Variants in MCC observed in about 807,000 individuals in gnomAD.
MCC encodes colorectal mutant cancer protein.
MCC carries 90 observed loss-of-function variants against 116.2 expected under a neutral mutation model. The observed-to-expected ratio is 0.77, with a 90% confidence interval of 0.65 to 0.92. MCC has a LOEUF of 0.92. Ranked by LOEUF, MCC falls within the 40% of genes least tolerant of loss-of-function variation. MCC has a pLI of 0.00. For synonymous variants in MCC, 578 were observed against 510.5 expected (o/e 1.13, Z -1.78); for missense variants, 1,516 against 1,312.2 (o/e 1.16, Z -2.40).
chr5:113,364,184 T>C (rs1260039826), intron 2 of MCC, among the ~76,000 whole-genome samples: 4 of 144,068 alleles, frequency 2.8e-5, no homozygotes, highest in Non-Finnish European at 6.0e-5. Context: ...TGAGCTGAGA[T>C]TGCGTCACTG....
At chr5:113,487,904 G>C (rs537000134) in intron 1 of MCC, among the ~76,000 whole-genome samples, 7 of 152,322 alleles carry the variant, frequency 4.6e-5, no homozygotes, top group Admixed American at 2.0e-4. Context: ...CTGTGGGGCA[G>C]CCCCTCCTAC....
At chr5:113,475,082 C>T (rs2150433386) in intron 1 of MCC, among the ~76,000 whole-genome samples, 1 of 152,320 alleles carries the variant, frequency 6.6e-6, no homozygotes, top group Non-Finnish European at 1.5e-5. Flanking sequence ...TTCTCACTTC[C>T]TTCATTTATA....
chr5:113,321,643 T>C (rs1391116775), intron 3 of MCC, among the ~76,000 whole-genome samples: 2 of 152,216 alleles, frequency 1.3e-5, no homozygotes, highest in Non-Finnish European at 2.9e-5. Context: ...TTCCTGAACT[T>C]GACTGCATAA....
chr5:113,097,167 C>G (rs1402059896), intron 8 of MCC, among the ~76,000 whole-genome samples: 1 of 152,150 alleles, frequency 6.6e-6, no homozygotes, highest in Non-Finnish European at 1.5e-5. Context: ...CCATTAAAAG[C>G]TGTGAGATAC....
rs1769216689 is a variant in MCC, at chr5:113,384,961, T to C, written c.415+7A>G. On this transcript the variant is annotated splice_region_variant and intron_variant, in intron 2 of 18. Coordinates refer to ENST00000408903, the MANE Select transcript of MCC (RefSeq NM_001085377.2). ...GTGCCATAAAACTGCCACCTGGTTA[T>C]ACCTACCCAAACTGTTGTCACTGCT... The C allele has an allele frequency of 6.2e-7, 1 of 1,614,108 alleles. No individual in the cohort carries two copies. The highest frequency in any genetic ancestry group is 8.5e-7 in the Non-Finnish European group (1 of 1,179,968).
intron 3 of MCC, among the ~76,000 whole-genome samples, chr5:113,288,879 G>C (rs1486869293): frequency 6.6e-6 from 1 of 152,088 alleles, no homozygotes; most frequent in African/African-American, 2.4e-5. Flanking sequence ...TGTAACATGG[G>C]AATAACAGAA....
intron 5 of MCC, among the ~76,000 whole-genome samples, chr5:113,127,275 A>G (rs923803519): frequency 6.6e-6 from 1 of 152,104 alleles, no homozygotes; most frequent in Non-Finnish European, 1.5e-5. Context: ...GGTTGATTCC[A>G]TGTCTTTGCT....
At chr5:113,149,259 A>G (rs1759705914) in intron 4 of MCC, among the ~76,000 whole-genome samples, 1 of 152,058 alleles carries the variant, frequency 6.6e-6, no homozygotes, top group Non-Finnish European at 1.5e-5. Context: ...ACACTGTAAA[A>G]CAAAAAAAGC....
intron 3 of MCC, chr5:113,294,863 G>T: frequency 1.0e-6 from 1 of 985,890 alleles, no homozygotes; most frequent in Non-Finnish European, 1.2e-6. Context: ...TTCCAGAGAA[G>T]GAAAGAAAGC....
rs76738199 is a variant in MCC at position 113,436,672 on chromosome 5, C to A, written c.171-51460G>T. On this transcript the variant is annotated intron_variant, in intron 1 of 18. Transcript: ENST00000408903. The stretch of plus-strand genomic sequence containing the variant: ...GAAGAATCCCCTTCCCTTTCTAGCT[C>A]TTTTCTCCTGAGATAATTAACTAGA... The A allele has an allele frequency of 1.5e-4, 23 of 152,328 alleles. No homozygotes were observed. The East Asian group carries it at 3.9e-3, about 26-fold the overall frequency. The allele number at this position is 152,328 out of a possible 1,614,324, so 9.4% of individuals were successfully genotyped here.
chr5:113,400,918 A>G (rs26959), intron 1 of MCC, among the ~76,000 whole-genome samples: 67,449 of 151,984 alleles, frequency 0.44, 16,485 homozygotes, highest in African/African-American at 0.64. Context: ...ATGAGTAAGT[A>G]GCTCTTAATA....
chr5:113,417,733 A>G (rs930448523), intron 1 of MCC, among the ~76,000 whole-genome samples: 5 of 152,178 alleles, frequency 3.3e-5, no homozygotes, highest in Admixed American at 2.0e-4. Context: ...GTTTGAGACC[A>G]GCCTGGGCAA....
intron 1 of MCC, chr5:113,436,437 G>C (rs1770867842): frequency 6.6e-6 from 1 of 152,250 alleles, no homozygotes; most frequent in Non-Finnish European, 1.5e-5. Flanking sequence ...GGTCAGGCAG[G>C]CCTCATCATC....
chr5:113,297,384 G>A (rs998847275), intron 3 of MCC, among the ~76,000 whole-genome samples: 6 of 151,980 alleles, frequency 3.9e-5, no homozygotes, highest in African/African-American at 1.5e-4. Flanking sequence ...GGCCAACATG[G>A]TGATACCCTG....
chr5:113,167,647 T>C (rs1309435458), intron 3 of MCC, among the ~76,000 whole-genome samples: 1 of 152,142 alleles, frequency 6.6e-6, no homozygotes, highest in Non-Finnish European at 1.5e-5. Flanking sequence ...TTTATTTTAT[T>C]TTTGAGACAG....
At chr5:113,253,679 G>GA in intron 3 of MCC, among the ~76,000 whole-genome samples, 1 of 152,036 alleles carries the variant, frequency 6.6e-6, no homozygotes, top group East Asian at 1.9e-4. Flanking sequence ...GAAAGCTGGG[G>GA]AAAAAAGATA....
chr5:113,233,205 T>G (rs538899513), intron 3 of MCC, among the ~76,000 whole-genome samples: 1 of 152,160 alleles, frequency 6.6e-6, no homozygotes, highest in African/African-American at 2.4e-5. Flanking sequence ...TGGAACCAAA[T>G]GGAATATTTA....
chr5:113,374,099 C>A (rs1768913873), intron 2 of MCC, among the ~76,000 whole-genome samples: 1 of 152,068 alleles, frequency 6.6e-6, no homozygotes, highest in Non-Finnish European at 1.5e-5. Flanking sequence ...CACCATGTTG[C>A]CCAGGCTGGT....
chr5:113,286,449 A>G (rs1392637201), intron 3 of MCC, among the ~76,000 whole-genome samples: 2 of 152,194 alleles, frequency 1.3e-5, no homozygotes, highest in Non-Finnish European at 2.9e-5. Context: ...ACACACATTG[A>G]GGTTTCATGA....
Sources: gnomAD v4.1 joint callset for allele counts (sites outside exome capture counted in the v4.1 genomes callset) on GRCh38, gnomAD v4.1.1 for gene constraint, MANE v1.5 for transcripts, NCBI Gene and HGNC (gene_info 2026-07-23, HGNC 2026-07-21) for gene names.